ATP10B: variants seen among roughly 807,000 people sequenced by gnomAD.
The protein encoded by ATP10B is ATPase phospholipid transporting 10B (putative).
Under a neutral mutation model 141.2 loss-of-function variants are expected in ATP10B, and 122 were observed. The ratio of observed to expected loss-of-function variants is 0.86; its 90% confidence interval spans 0.75 to 1.00. The LOEUF (loss-of-function observed/expected upper bound fraction) is 1.00. ATP10B is among the 50% of genes least tolerant of loss of function. ATP10B has a pLI of 0.00. For synonymous variants in ATP10B, 685 were observed against 692.0 expected (o/e 0.99, Z 0.16); for missense variants, 1,876 against 1,825.3 (o/e 1.03, Z -0.51).
At chr5:160,887,722 C>T in the ATP10B span, among the ~76,000 whole-genome samples, 3 of 152,186 alleles carry the variant, frequency 2.0e-5, no homozygotes, top group African/African-American at 7.2e-5. Flanking sequence ...GTCTTTCAGT[C>T]ACTGTCCCTG....
intron 22 of ATP10B, among the ~76,000 whole-genome samples, chr5:160,598,272 TA>T (rs549429485): frequency 6.3e-4 from 96 of 151,954 alleles, no homozygotes; most frequent in African/African-American, 2.2e-3. Flanking sequence ...TCATTCTCAG[TA>T]AACTATTGCA....
rs372594146 is a variant in ATP10B, at chr5:160,676,965, A to G, written c.471-6298T>C. Among the ~76,000 whole-genome samples the G allele has an allele frequency of 9.9e-5, 15 of 152,260 alleles. No homozygotes were observed. In the South Asian group the frequency reaches 2.9e-3, roughly 29 times the overall value. Reference sequence around the variant, plus strand: ...GGTGGTGGGAGTGACATGGCTCAGCATGGTCTCGTGGCTCTGTTTTGGAGT... The same window carrying G: ...GGTGGTGGGAGTGACATGGCTCAGCGTGGTCTCGTGGCTCTGTTTTGGAGT... On this transcript the variant is annotated intron_variant, in intron 6 of 25. Transcript: ENST00000327245.
Position 160,598,860 on chromosome 5 carries a change from AG to A in ATP10B, c.3473del (p.Pro1158LeufsTer65). 6.2e-7 allele frequency: 1 copy of A among 1,614,198 alleles called. No homozygotes were observed. The highest frequency in any genetic ancestry group is 8.5e-7 in the Non-Finnish European group (1 of 1,180,014). On this transcript the variant is annotated frameshift_variant, in exon 22 of 26. Transcript: ENST00000327245. LOFTEE classifies it high-confidence loss of function. ...IFFNLFFTSL[P>X]PLVFGVLDKD... ...TGTCAAGGACTCCAAAGACAAGAGG[AG>A]GCAAGGAGGTAAAGAAGAGATTGAA... is the stretch of plus-strand genomic sequence containing the variant.
At chr5:160,927,504 C>T in the ATP10B span, among the ~76,000 whole-genome samples, 3 of 152,258 alleles carry the variant, frequency 2.0e-5, no homozygotes, top group South Asian at 4.2e-4. Flanking sequence ...ATCAGCTGGT[C>T]CCTGAGCACT....
At chr5:160,585,343 T>C (rs1755816915) in intron 24 of ATP10B, among the ~76,000 whole-genome samples, 1 of 152,208 alleles carries the variant, frequency 6.6e-6, no homozygotes. Flanking sequence ...AAACAGCTTC[T>C]GATAAAACTA....
chr5:160,910,910 A>G, the ATP10B span, among the ~76,000 whole-genome samples: 1 of 152,130 alleles, frequency 6.6e-6, no homozygotes, highest in East Asian at 1.9e-4. Context: ...ATCTCTCATG[A>G]AGGTTGGTGC....
At chr5:160,721,647 A>G (rs1183563370) in intron 2 of ATP10B, among the ~76,000 whole-genome samples, 1 of 152,204 alleles carries the variant, frequency 6.6e-6, no homozygotes, top group Non-Finnish European at 1.5e-5. Context: ...GCCACATTCA[A>G]GCTGATGAGT....
At chr5:160,590,112 T>C (rs907039366) in intron 23 of ATP10B, among the ~76,000 whole-genome samples, 3 of 152,156 alleles carry the variant, frequency 2.0e-5, no homozygotes, top group Non-Finnish European at 2.9e-5. Context: ...CAGAAGAGGA[T>C]ATATTAGCTG....
intron 1 of ATP10B, among the ~76,000 whole-genome samples, chr5:160,786,475 T>C (rs1223306141): frequency 2.6e-5 from 4 of 152,180 alleles, no homozygotes; most frequent in Admixed American, 6.5e-5. Flanking sequence ...GCAGTTATCA[T>C]AATTTTCACT....
chr5:160,750,223 T>C (rs1768063538), intron 2 of ATP10B, among the ~76,000 whole-genome samples: 1 of 152,234 alleles, frequency 6.6e-6, no homozygotes, highest in Non-Finnish European at 1.5e-5. Flanking sequence ...CATCTTCTCA[T>C]AGTAGTCCAT....
At chr5:160,831,290 A>C (rs1166124529) in intron 1 of ATP10B, among the ~76,000 whole-genome samples, 1 of 151,994 alleles carries the variant, frequency 6.6e-6, no homozygotes, top group Non-Finnish European at 1.5e-5. Flanking sequence ...CCTAGCATAG[A>C]ATTTTCCTTG....
At chr5:160,759,416 G>T (rs975371195) in intron 2 of ATP10B, among the ~76,000 whole-genome samples, 1 of 152,192 alleles carries the variant, frequency 6.6e-6, no homozygotes, top group African/African-American at 2.4e-5. Context: ...CTTTAACCCA[G>T]ATAATCAGAG....
intron 3 of ATP10B, among the ~76,000 whole-genome samples, chr5:160,691,585 GTCAAGTAC>G: frequency 6.6e-6 from 1 of 152,306 alleles, no homozygotes; most frequent in Non-Finnish European, 1.5e-5. Flanking sequence ...ATGAGTGAAT[GTCAAGTAC>G]TATTAATCTT....
At chr5:160,702,051 G>C (rs1016838840) in intron 3 of ATP10B, among the ~76,000 whole-genome samples, 28 of 152,054 alleles carry the variant, frequency 1.8e-4, no homozygotes, top group African/African-American at 6.8e-4. Context: ...AGTGCTCCTG[G>C]GAGCACTTAC....
intron 3 of ATP10B, among the ~76,000 whole-genome samples, chr5:160,714,666 G>A (rs373820096): frequency 4.5e-5 from 5 of 112,108 alleles, no homozygotes; most frequent in South Asian, 3.6e-4. Context: ...GAGGAACTGC[G>A]TTCCTTTGGA....
At chr5:160,792,697 CT>C in intron 1 of ATP10B, among the ~76,000 whole-genome samples, 1 of 152,250 alleles carries the variant, frequency 6.6e-6, no homozygotes, top group East Asian at 1.9e-4. Flanking sequence ...GCCTACCCAC[CT>C]TTGGATGTGA....
intron 1 of ATP10B, among the ~76,000 whole-genome samples, chr5:160,810,962 T>A (rs1432292988): frequency 6.6e-6 from 1 of 152,228 alleles, no homozygotes; most frequent in East Asian, 1.9e-4. Flanking sequence ...ATTCAGCCAT[T>A]ATCAAATATC....
At chr5:160,697,986 A>G (rs1764468837) in intron 3 of ATP10B, among the ~76,000 whole-genome samples, 1 of 152,204 alleles carries the variant, frequency 6.6e-6, no homozygotes, top group African/African-American at 2.4e-5. Context: ...CTGCCACATT[A>G]CACTTTATCA....
intron 2 of ATP10B, among the ~76,000 whole-genome samples, chr5:160,777,216 C>T (rs1770398296): frequency 6.6e-6 from 1 of 152,222 alleles, no homozygotes; most frequent in African/African-American, 2.4e-5. Flanking sequence ...CTAAAGTGGG[C>T]ACCCATGGCT....
Sources: gnomAD v4.1 joint callset for allele counts (sites outside exome capture counted in the v4.1 genomes callset) on GRCh38, gnomAD v4.1.1 for gene constraint, MANE v1.5 for transcripts, NCBI Gene and HGNC (gene_info 2026-07-23, HGNC 2026-07-21) for gene names.